TNKS1BP1: variants seen among roughly 807,000 people sequenced by gnomAD.
The protein encoded by TNKS1BP1 is 182 kDa tankyrase-1-binding protein.
Under a neutral mutation model 141.1 loss-of-function variants are expected in TNKS1BP1, and 48 were observed. The observed-to-expected ratio is 0.34, with a 90% CI of 0.27 to 0.43. The LOEUF (loss-of-function observed/expected upper bound fraction) is 0.43. Among genes scored for constraint, TNKS1BP1 ranks in the 20% least tolerant of loss-of-function variants. The probability of loss-of-function intolerance (pLI) is 1.00; values close to 1 mark genes in which losing one functional copy is unlikely to be tolerated. For missense variants in TNKS1BP1, 2,149 were observed against 2,226.0 expected (o/e 0.97, Z 0.70); for synonymous variants, 875 against 898.2 (o/e 0.97, Z 0.46).
In TNKS1BP1 at chr11:57,302,353, C is replaced by G. The variant is rs116675074; in HGVS notation, c.4683+106G>C. 3,313 of 1,537,740 alleles carry G rather than the reference C, an allele frequency of 2.2e-3. 56 individuals are homozygous for G. The African/African-American group carries it at 0.04, about 19-fold the overall frequency. On this transcript the variant is annotated intron_variant, in intron 7 of 11. Transcript: ENST00000358252. The surrounding 1 kb of genome is among the most constrained non-coding windows in gnomAD (Gnocchi z 5.5). ...CACGTTCACGTGACGCACCTACAACCCGCTTTCTGCCTCCTGGACTGGGAC... is the reference window on the plus strand; with the variant it reads ...CACGTTCACGTGACGCACCTACAACGCGCTTTCTGCCTCCTGGACTGGGAC...
intron 5 of TNKS1BP1, 121 bp downstream of exon 5, chr11:57,312,413 T>C (rs1855726481): frequency 8.8e-7 from 1 of 1,137,822 alleles, no homozygotes; most frequent in East Asian, 2.8e-5. Context: ...GGTCCACAGC[T>C]GCCTTGCTCA....
Position 57,312,801 on chromosome 11 carries a change from C to T in TNKS1BP1, c.1887G>A (p.Gln629=). ...GGGCATCAGCAAAGAGAACACAGGG[C>T]TGGTCAGGGGCTGCTGGCTGCTCCT... ...LGQEQPAAPD[Q]PCVLFADAPE... Residue 629 remains glutamine, a synonymous_variant, in exon 5 of 12, where the codon CAG becomes CAA. Transcript: ENST00000358252. 1 of 1,611,858 alleles carries T rather than the reference C, an allele frequency of 6.2e-7. No individual in the cohort carries two copies. The highest frequency in any genetic ancestry group is 8.5e-7 in the Non-Finnish European group (1 of 1,178,902).
chr11:57,310,311 C>A lies in TNKS1BP1; in HGVS notation c.2400G>T (p.Glu800Asp). ...WASRCGIGQE[E>D]MEASSSQDQS... ...GGTCTTGGCTGCTGCTGGCCTCCAT[C>A]TCCTCCTGGCCGATGCCACACCTGC... The change falls in exon 6 of 12, where the codon GAG (glutamate) becomes GAT (aspartate). Residue 800 changes from glutamate to aspartate, a missense_variant. Physicochemically the swap from Glu to Asp is conservative, Grantham distance 45. Transcript: ENST00000358252. 1 of 1,614,006 alleles carries A rather than the reference C, an allele frequency of 6.2e-7. No individual in the cohort carries two copies. Among genetic ancestry groups the A allele is most frequent in the Non-Finnish European group, 8.5e-7 (1 of 1,180,018 alleles).
intron 4 of TNKS1BP1, among the ~76,000 whole-genome samples, chr11:57,316,805 T>C (rs548841244): frequency 6.6e-6 from 1 of 152,308 alleles, no homozygotes; most frequent in South Asian, 2.1e-4. Context: ...CTTAATCCAG[T>C]GGGCCAGGTG....
In TNKS1BP1 at chr11:57,310,053, C is replaced by G. The variant is rs1855680622; in HGVS notation, c.2658G>C (p.Trp886Cys). ...YSSRDVSLGD[W>C]EFGKRDSLGA... The stretch of plus-strand genomic sequence containing the variant: ...CCAGAGAATCTCTCTTCCCAAATTC[C>G]CAGTCCCCAAGGCTTACATCTCGAC... The change falls in exon 6 of 12, where the codon TGG becomes TGC. Residue 886 changes from tryptophan to cysteine, a missense_variant. Coordinates refer to ENST00000358252, the MANE Select transcript of TNKS1BP1 (RefSeq NM_033396.3). The G allele has an allele frequency of 6.2e-7, 1 of 1,614,198 alleles. No individual in the cohort carries two copies. Among genetic ancestry groups the G allele is most frequent in the East Asian group, 2.2e-5 (1 of 44,890 alleles).
chr11:57,310,335 G>A lies in TNKS1BP1; in HGVS notation c.2376C>T (p.Ser792=). 6.2e-7 allele frequency: 1 copy of A among 1,614,026 alleles called. No individual in the cohort carries two copies. Among genetic ancestry groups the A allele is most frequent in the Non-Finnish European group, 8.5e-7 (1 of 1,180,044 alleles). ...AGEGSTREWA[S]RCGIGQEEME... ...TCTCCTCCTGGCCGATGCCACACCT[G>A]CTGGCCCACTCCCTGGTGCTCCCTT... Residue 792 remains serine (S), a synonymous_variant, in exon 6 of 12, where the codon AGC becomes AGT. Transcript: ENST00000358252.
rs1855611047 is a variant in TNKS1BP1 at position 57,306,397 on chromosome 11, T to C, written c.4316+1998A>G. Reference sequence around the variant, plus strand: ...CCAAATTAGCTTGGAAAATACTGCATTACTTGTCTTTAAGGTACTAATATA... The same window carrying C: ...CCAAATTAGCTTGGAAAATACTGCACTACTTGTCTTTAAGGTACTAATATA... On this transcript the variant is annotated intron_variant, in intron 6 of 11. Transcript: ENST00000358252. Among the ~76,000 whole-genome samples the C allele has an allele frequency of 2.0e-5, 3 of 152,206 alleles. No homozygotes were observed. In the South Asian group the frequency reaches 6.2e-4, roughly 31 times the overall value.
rs555698709 is a variant in TNKS1BP1, at chr11:57,324,719, C to A, written c.-66+121G>T. ...CCCCTGCAAACTTTCCTGGTGACCC[C>A]CCGACCACCACCACCTCAACCCGAG... is the stretch of plus-strand genomic sequence containing the variant. On this transcript the variant is annotated intron_variant, in intron 1 of 11. Transcript: ENST00000358252. 247 of 937,722 alleles carry A rather than the reference C, an allele frequency of 2.6e-4. 1 individual carries two copies. In the African/African-American group the frequency reaches 3.8e-3, roughly 14 times the overall value. The allele number at this position is 937,722 out of a possible 1,614,324, so 58.1% of individuals were successfully genotyped here. A position where few individuals can be genotyped will look rare whatever the true frequency, so the allele number is the denominator to read the frequency against.
At chr11:57,321,724 G>A (rs1344839287) in intron 2 of TNKS1BP1, 68 bp downstream of exon 2, 5 of 1,552,970 alleles carry the variant, frequency 3.2e-6, no homozygotes, top group Non-Finnish European at 4.4e-6. Flanking sequence ...AAGACAGAAA[G>A]AGGGGGCAGC....
chr11:57,306,668 GGCT>G (rs1281352966), intron 6 of TNKS1BP1, among the ~76,000 whole-genome samples: 3 of 152,060 alleles, frequency 2.0e-5, no homozygotes, highest in Non-Finnish European at 2.9e-5. Flanking sequence ...ATGGCATCAC[GGCT>G]AACCCCTGAA....
chr11:57,316,809 C>A (rs1335709859), intron 4 of TNKS1BP1, among the ~76,000 whole-genome samples: 1 of 152,208 alleles, frequency 6.6e-6, no homozygotes, highest in Non-Finnish European at 1.5e-5. Flanking sequence ...ATCCAGTGGG[C>A]CAGGTGACTC....
chr11:57,316,682 A>G (rs1262743793), intron 4 of TNKS1BP1, among the ~76,000 whole-genome samples: 3 of 151,814 alleles, frequency 2.0e-5, no homozygotes, highest in African/African-American at 4.8e-5. Context: ...ACTTCTCCCC[A>G]TCTCCACCGT....
chr11:57,313,968 C>T (rs1053306156), intron 4 of TNKS1BP1, 79 bp from the exon 5 acceptor site: 37 of 1,350,150 alleles, frequency 2.7e-5, no homozygotes, highest in Non-Finnish European at 1.9e-6. Context: ...CCCACACAGA[C>T]CCCAGGTCAG....
chr11:57,300,742 A>G (rs757152214), intron 10 of TNKS1BP1, 142 bp from the exon 11 acceptor site: 9 of 1,491,568 alleles, frequency 6.0e-6, no homozygotes, highest in Non-Finnish European at 8.3e-6. Context: ...TTCTGACACC[A>G]TCTTCATACC....
chr11:57,302,293 G>A lies in TNKS1BP1; in HGVS notation c.4684-69C>T. ...CCACGGGAGCCCCTCAACAGTAGCT[G>A]ACCAGGAGCTGGACCCCTCCTGCAG... is the stretch of plus-strand genomic sequence containing the variant. On this transcript the variant is annotated intron_variant, in intron 7 of 11. Coordinates refer to ENST00000358252, the MANE Select transcript of TNKS1BP1 (RefSeq NM_033396.3). This position sits in a 1 kb window ranked among gnomAD's most constrained non-coding sequence, Gnocchi z 5.5. 6.4e-7 allele frequency: 1 copy of A among 1,561,322 alleles called. No individual in the cohort carries two copies. Among genetic ancestry groups the A allele is most frequent in the East Asian group, 2.3e-5 (1 of 42,960 alleles).
At chr11:57,321,743 TTCCC>T in intron 2 of TNKS1BP1, 45 bp downstream of exon 2, 1 of 1,186,778 alleles carries the variant, frequency 8.4e-7, no homozygotes, top group Non-Finnish European at 1.2e-6. Context: ...GCCTCTGTCC[TTCCC>T]ACCCCCCTCC....
Position 57,320,637 on chromosome 11 carries a change from G to T in TNKS1BP1, c.170C>A (p.Pro57His), listed in dbSNP as rs761681457. 9.3e-6 allele frequency: 15 copies of T among 1,613,046 alleles called. No homozygotes were observed. The Admixed American group carries it at 2.5e-4, about 27-fold the overall frequency. The stretch of plus-strand genomic sequence containing the variant: ...AGGCCCAACAGGCACCAGCAGGCTG[G>T]GTTTGGCAGGCAGGGCTGGCTTGGC... Reference protein sequence around the residue: ...LPAKPALPAKPSLLVPVGPRP... With the variant: ...LPAKPALPAKHSLLVPVGPRP... The change falls in exon 3 of 12, where the codon CCC becomes CAC. Residue 57 changes from proline to histidine, a missense_variant. Transcript: ENST00000358252.
In TNKS1BP1 at chr11:57,300,983, G is replaced by A. The variant is rs751295349; in HGVS notation, c.5030C>T (p.Ser1677Leu). The A allele has an allele frequency of 1.5e-5, 25 of 1,613,976 alleles. No homozygotes were observed. In the East Asian group the frequency reaches 1.6e-4, roughly 10 times the overall value. ...AEEGELAESK[S>L]SQKESAVQRS... ...CTGGACCGCGGACTCCTTCTGGCTC[G>A]ACTTGCTCTCAGCCAGCTCTCCCTC... The change falls in exon 10 of 12, where the codon TCG (serine) becomes TTG (leucine). Residue 1677 changes from serine to leucine, a missense_variant. By Grantham distance (145) the Ser-to-Leu change is moderately radical. Coordinates refer to ENST00000358252, the MANE Select transcript of TNKS1BP1 (RefSeq NM_033396.3).
chr11:57,313,505 C>A lies in TNKS1BP1; in HGVS notation c.1183G>T (p.Gly395Cys). The A allele has an allele frequency of 6.4e-7, 1 of 1,573,692 alleles. No homozygotes were observed. The highest frequency in any genetic ancestry group is 8.6e-7 in the Non-Finnish European group (1 of 1,158,718). ...ATSPRPLIEV[G>C]ELLDLTRTFP... ...GTCCGAGTGAGATCCAGCAACTCAC[C>A]CACCTCGATCAGGGGCCGGGGTGAG... Residue 395 changes from glycine (G) to cysteine (C), a missense_variant, in exon 5 of 12, where the codon GGT becomes TGT. By Grantham distance (159) the Gly-to-Cys change is radical. Coordinates refer to ENST00000358252, the MANE Select transcript of TNKS1BP1 (RefSeq NM_033396.3).
Sources: allele counts gnomAD v4.1 joint callset (sites outside exome capture counted in the v4.1 genomes callset), GRCh38; gene constraint gnomAD v4.1.1; non-coding constraint Gnocchi (gnomAD v3.1); transcripts MANE v1.5; gene names NCBI Gene and HGNC (gene_info 2026-07-23, HGNC 2026-07-21).